KALRN: variants seen among roughly 807,000 people sequenced by gnomAD.
KALRN encodes the protein kalirin.
KALRN carries 70 observed loss-of-function variants against 353.7 expected under a neutral mutation model. The observed-to-expected ratio is 0.20, with a 90% CI of 0.16 to 0.24. The LOEUF (loss-of-function observed/expected upper bound fraction) is 0.24. KALRN is among the 10% of genes least tolerant of loss of function. The pLI is 1.00. For missense variants in KALRN, 2,791 were observed against 3,756.7 expected, an observed-to-expected ratio of 0.74 and a Z score of 6.72; for synonymous variants, 1,391 against 1,434.8, an observed-to-expected ratio of 0.97 and a Z score of 0.69.
At chr3:124,117,477 C>T (rs2063561470) in intron 1 of KALRN, among the ~76,000 whole-genome samples, 1 of 152,186 alleles carries the variant, frequency 6.6e-6, no homozygotes, top group Non-Finnish European at 1.5e-5. Context: ...CAGAACCTCT[C>T]TGACCCTTGT....
At chr3:124,091,645 C>T (rs1205762922) in intron 1 of KALRN, among the ~76,000 whole-genome samples, 2 of 152,126 alleles carry the variant, frequency 1.3e-5, no homozygotes, top group Non-Finnish European at 2.9e-5. Flanking sequence ...GGCATCAGCC[C>T]TCTGGAGTGG....
At chr3:124,193,092 T>C (rs1410859305) in intron 1 of KALRN, among the ~76,000 whole-genome samples, 1 of 152,214 alleles carries the variant, frequency 6.6e-6, no homozygotes, top group African/African-American at 2.4e-5. Flanking sequence ...CTGTTGGTCC[T>C]GGGCCTGTTT....
chr3:124,489,451 C>T (rs1327603525), intron 29 of KALRN, among the ~76,000 whole-genome samples: 2 of 152,178 alleles, frequency 1.3e-5, no homozygotes, highest in African/African-American at 4.8e-5. Context: ...CCACCAACAC[C>T]ACCTTGGGAG....
At chr3:124,685,558 T>C (rs2061519672) in intron 51 of KALRN, among the ~76,000 whole-genome samples, 1 of 152,222 alleles carries the variant, frequency 6.6e-6, no homozygotes, top group South Asian at 2.1e-4. Context: ...AAGTACTTTC[T>C]TAACAAGGGT....
chr3:124,582,760 AT>A (rs569492505), intron 34 of KALRN, among the ~76,000 whole-genome samples: 4 of 135,674 alleles, frequency 2.9e-5, no homozygotes, highest in African/African-American at 8.5e-5. Context: ...GCCTTGGCAC[AT>A]TTTTTTTGGG....
At chr3:124,299,032 G>C in intron 6 of KALRN, 119 bp downstream of exon 6, 2 of 1,354,324 alleles carry the variant, frequency 1.5e-6, no homozygotes, top group Non-Finnish European at 2.1e-6. Context: ...CTGACCCTTT[G>C]GTGTTCCATT....
chr3:124,203,981 A>AG (rs1189860400), intron 1 of KALRN, among the ~76,000 whole-genome samples: 1 of 152,222 alleles, frequency 6.6e-6, no homozygotes, highest in African/African-American at 2.4e-5. Flanking sequence ...TGAGTTCCAT[A>AG]GGGTCCTCAA....
At chr3:124,073,473 A>G (rs1044068457) in intron 1 of KALRN, among the ~76,000 whole-genome samples, 12 of 152,242 alleles carry the variant, frequency 7.9e-5, no homozygotes, top group Non-Finnish European at 1.3e-4. Context: ...AAGATACTAT[A>G]GGGACAACTG....
At chr3:124,534,217 A>C (rs1227472229) in intron 33 of KALRN, among the ~76,000 whole-genome samples, 1 of 152,240 alleles carries the variant, frequency 6.6e-6, no homozygotes, top group Non-Finnish European at 1.5e-5. Context: ...AAGAATATTA[A>C]GTAAAAACAG....
intron 34 of KALRN, among the ~76,000 whole-genome samples, chr3:124,625,674 A>G (rs2079865790): frequency 6.7e-6 from 1 of 148,208 alleles, no homozygotes; most frequent in African/African-American, 2.6e-5. Flanking sequence ...ACTCATGCAA[A>G]TGGATTTGTA....
chr3:124,425,824 G>C (rs1365641677), intron 15 of KALRN, among the ~76,000 whole-genome samples: 2 of 152,146 alleles, frequency 1.3e-5, no homozygotes, highest in Non-Finnish European at 2.9e-5. Context: ...CTGATGATAA[G>C]TATTTTGTTA....
chr3:124,281,803 G>A (rs772262305), intron 5 of KALRN, among the ~76,000 whole-genome samples: 2 of 152,178 alleles, frequency 1.3e-5, no homozygotes, highest in Non-Finnish European at 2.9e-5. Context: ...CAATTACTCT[G>A]TGTTGACCAG....
At chr3:124,083,936 C>T (rs545393740) in intron 1 of KALRN, among the ~76,000 whole-genome samples, 77 of 152,210 alleles carry the variant, frequency 5.1e-4, no homozygotes, top group Non-Finnish European at 8.5e-4. Context: ...ATGTCTCATC[C>T]TATGTGAACA....
chr3:124,159,868 G>C (rs2069644952), intron 1 of KALRN, among the ~76,000 whole-genome samples: 1 of 152,018 alleles, frequency 6.6e-6, no homozygotes, highest in Non-Finnish European at 1.5e-5. Flanking sequence ...TAGAGGTACT[G>C]ATGGGTATGG....
intron 1 of KALRN, among the ~76,000 whole-genome samples, chr3:124,148,588 G>T (rs1048710468): frequency 1.3e-5 from 2 of 152,148 alleles, no homozygotes; most frequent in Non-Finnish European, 2.9e-5. Flanking sequence ...AATATTGTGG[G>T]TGCTAGAGTC....
chr3:124,112,331 A>G (rs2063066707), intron 1 of KALRN, among the ~76,000 whole-genome samples: 2 of 148,510 alleles, frequency 1.3e-5, no homozygotes, highest in South Asian at 4.3e-4. Context: ...AGAATCCTCC[A>G]AAAACTTGGA....
At chr3:124,412,924 A>T (rs765841208) in intron 13 of KALRN, among the ~76,000 whole-genome samples, 13 of 152,350 alleles carry the variant, frequency 8.5e-5, no homozygotes, top group Middle Eastern at 3.4e-3. Flanking sequence ...ACTTTGGGCC[A>T]TTCACCAGGT....
chr3:124,611,242 G>C (rs2077931814), intron 34 of KALRN, among the ~76,000 whole-genome samples: 1 of 152,208 alleles, frequency 6.6e-6, no homozygotes, highest in East Asian at 1.9e-4. Flanking sequence ...CCTAGGTAGA[G>C]AGAGAAGTAA....
intron 1 of KALRN, among the ~76,000 whole-genome samples, chr3:124,085,657 G>A (rs1022129607): frequency 6.6e-6 from 1 of 152,150 alleles, no homozygotes; most frequent in Non-Finnish European, 1.5e-5. Context: ...GGTCCTGAGG[G>A]AGCACCTCCT....
Sources: allele counts gnomAD v4.1 joint callset (sites outside exome capture counted in the v4.1 genomes callset), GRCh38; gene constraint gnomAD v4.1.1; transcripts MANE v1.5; gene names NCBI Gene and HGNC (gene_info 2026-07-23, HGNC 2026-07-21).